Variants in SLC44A5 observed in about 807,000 individuals in gnomAD.
SLC44A5 encodes choline transporter-like protein 5.
SLC44A5 carries 57 observed loss-of-function variants against 101.8 expected under a neutral mutation model. The ratio of observed to expected loss-of-function variants is 0.56; its 90% CI spans 0.45 to 0.70. SLC44A5 has a LOEUF of 0.70. Ranked by LOEUF, SLC44A5 falls within the 30% of genes least tolerant of loss-of-function variation. The pLI, the probability that SLC44A5 is intolerant of heterozygous loss-of-function variation, is 0.00. For missense variants in SLC44A5, 737 were observed against 853.1 expected (o/e 0.86, Z 1.70); for synonymous variants, 281 against 290.9 (o/e 0.97, Z 0.35).
chr1:75,493,558 A>T (rs1351694770), intron 2 of SLC44A5, among the ~76,000 whole-genome samples: 1 of 152,210 alleles, frequency 6.6e-6, no homozygotes, highest in Admixed American at 6.5e-5. Context: ...TTACAATGGA[A>T]TTATCAGCCA....
chr1:75,648,967 T>G, the SLC44A5 span, among the ~76,000 whole-genome samples: 1 of 152,170 alleles, frequency 6.6e-6, no homozygotes, highest in African/African-American at 2.4e-5. Context: ...ATTACAATAA[T>G]TTTTAGATCA....
In SLC44A5 at chr1:75,609,762, C is replaced by A. The variant is rs185434823; in HGVS notation, c.-70+1278G>T. ...CTAAGATTCAAGATCAGTGTTGGAACTAGTAACAAATATTACATTTCATGA... is the reference window on the plus strand; with the variant it reads ...CTAAGATTCAAGATCAGTGTTGGAAATAGTAACAAATATTACATTTCATGA... On this transcript the variant is annotated intron_variant, in intron 1 of 23. Coordinates refer to ENST00000370859, the MANE Select transcript of SLC44A5 (RefSeq NM_001130058.2). Among the ~76,000 whole-genome samples the A allele has an allele frequency of 1.1e-4, 16 of 152,138 alleles. No homozygotes were observed. In the East Asian group the frequency reaches 2.9e-3, roughly 28 times the overall value.
In SLC44A5 at chr1:75,434,398, C is replaced by T. The variant is rs184731939; in HGVS notation, c.14-37777G>A. Among the ~76,000 whole-genome samples, 75 of 152,208 alleles carry T rather than the reference C, an allele frequency of 4.9e-4. 2 individuals are homozygous for T. In the East Asian group the frequency reaches 0.012, roughly 25 times the overall value. On this transcript the variant is annotated intron_variant, in intron 2 of 23. Coordinates refer to ENST00000370859, the MANE Select transcript of SLC44A5 (RefSeq NM_001130058.2). ...TGATCTCTCTGCCTCCAATCTCATC[C>T]GTTCCCAACCCATTTTTTCATATTA...
chr1:75,546,369 G>A (rs867344096), intron 1 of SLC44A5, among the ~76,000 whole-genome samples: 275 of 11,692 alleles, frequency 0.024, 129 homozygotes, highest in African/African-American at 0.11. Context: ...CACCGCGCCC[G>A]GCTAATTTTT....
At chr1:75,450,296 G>A (rs1665832182) in intron 2 of SLC44A5, among the ~76,000 whole-genome samples, 1 of 152,186 alleles carries the variant, frequency 6.6e-6, no homozygotes, top group Admixed American at 6.5e-5. Context: ...AAGTTGGGGA[G>A]AGGCTTCCTG....
At chr1:75,692,496 G>A in the SLC44A5 span, among the ~76,000 whole-genome samples, 4 of 152,060 alleles carry the variant, frequency 2.6e-5, no homozygotes, top group Non-Finnish European at 4.4e-5. Flanking sequence ...CAGCCGGCCC[G>A]AGGATGGGAT....
chr1:75,217,237 G>A (rs1236773946), intron 18 of SLC44A5, among the ~76,000 whole-genome samples: 23 of 152,074 alleles, frequency 1.5e-4, no homozygotes, highest in Non-Finnish European at 4.4e-5. Flanking sequence ...TCTTATATGT[G>A]AGAGTTAGTT....
intron 4 of SLC44A5, among the ~76,000 whole-genome samples, chr1:75,331,335 G>T (rs1005488713): frequency 6.6e-6 from 1 of 152,022 alleles, no homozygotes; most frequent in African/African-American, 2.4e-5. Flanking sequence ...TACTATAGGG[G>T]AGCATCATCC....
At chr1:75,596,978 G>T (rs982411559) in intron 1 of SLC44A5, among the ~76,000 whole-genome samples, 1 of 152,024 alleles carries the variant, frequency 6.6e-6, no homozygotes, top group African/African-American at 2.4e-5. Flanking sequence ...AGAAACAAAG[G>T]CATTCAAGAC....
chr1:75,586,466 T>C (rs994897752), intron 1 of SLC44A5, among the ~76,000 whole-genome samples: 8 of 134,602 alleles, frequency 5.9e-5, no homozygotes, highest in South Asian at 2.5e-4. Context: ...AAATTATATA[T>C]ATATATATAA....
intron 1 of SLC44A5, among the ~76,000 whole-genome samples, chr1:75,608,803 A>G (rs1369430954): frequency 6.6e-6 from 1 of 151,704 alleles, no homozygotes; most frequent in East Asian, 1.9e-4. Flanking sequence ...TACCTCGTCA[A>G]TTGGTCCTAC....
chr1:75,664,339 A>C, the SLC44A5 span, among the ~76,000 whole-genome samples: 2 of 152,210 alleles, frequency 1.3e-5, no homozygotes, highest in Non-Finnish European at 2.9e-5. Flanking sequence ...AAGAAATAAA[A>C]GGCATCTAAA....
chr1:75,397,449 A>G (rs948844423), intron 2 of SLC44A5, among the ~76,000 whole-genome samples: 2 of 152,170 alleles, frequency 1.3e-5, no homozygotes, highest in African/African-American at 4.8e-5. Context: ...CAATCGGACT[A>G]ACAGTAGCAA....
the SLC44A5 span, among the ~76,000 whole-genome samples, chr1:75,647,094 A>G: frequency 6.6e-6 from 1 of 152,172 alleles, no homozygotes; most frequent in Non-Finnish European, 1.5e-5. Flanking sequence ...GAGGCCTACG[A>G]AGAAAAATGG....
Position 75,202,637 on chromosome 1 carries a change from A to T in SLC44A5, c.*1090T>A, listed in dbSNP as rs994831142. On this transcript the variant is annotated 3_prime_UTR_variant, in exon 24 of 24. Coordinates refer to ENST00000370859, the MANE Select transcript of SLC44A5 (RefSeq NM_001130058.2). The stretch of plus-strand genomic sequence containing the variant: ...ACCAAAAGTTAGAAAATGAAGTGGC[A>T]TATATAGAACAGGCTTTGATGAAAA... The T allele has an allele frequency of 5.9e-5, 9 of 152,192 alleles. No individual in the cohort carries two copies. Among genetic ancestry groups the T allele is most frequent in the African/African-American group, 2.2e-4 (9 of 41,464 alleles). 9.4% of individuals were successfully genotyped at this position (152,192 alleles called of 1,614,324 possible). A position where few individuals can be genotyped will look rare whatever the true frequency, so the allele number is the denominator to read the frequency against.
At chr1:75,228,930 G>A (rs1232408397) in intron 12 of SLC44A5, among the ~76,000 whole-genome samples, 1 of 151,266 alleles carries the variant, frequency 6.6e-6, no homozygotes, top group Admixed American at 6.6e-5. Flanking sequence ...AATAATTTTA[G>A]TGTCCAATGT....
At chr1:75,432,092 C>A (rs1331777843) in intron 2 of SLC44A5, among the ~76,000 whole-genome samples, 1 of 152,108 alleles carries the variant, frequency 6.6e-6, no homozygotes, top group Non-Finnish European at 1.5e-5. Flanking sequence ...TAGCAATTTG[C>A]ATTAAATCAA....
chr1:75,536,495 G>A (rs1258199960), intron 2 of SLC44A5, among the ~76,000 whole-genome samples: 25 of 151,034 alleles, frequency 1.7e-4, no homozygotes, highest in Non-Finnish European at 2.7e-4. Context: ...CAGCTACTCC[G>A]GAGGCTGAGG....
At chr1:75,289,389 A>AAAT (rs1653346567) in intron 5 of SLC44A5, among the ~76,000 whole-genome samples, 1 of 152,140 alleles carries the variant, frequency 6.6e-6, no homozygotes, top group African/African-American at 2.4e-5. Flanking sequence ...TTCTTTTGAG[A>AAAT]AATAGCCCCT....
Sources: allele counts gnomAD v4.1 joint callset (sites outside exome capture counted in the v4.1 genomes callset), GRCh38; gene constraint gnomAD v4.1.1; transcripts MANE v1.5; gene names NCBI Gene and HGNC (gene_info 2026-07-23, HGNC 2026-07-21).